RFX7: variants seen among roughly 807,000 people sequenced by gnomAD.
RFX7 encodes regulatory factor X7.
A neutral mutation model predicts 111.8 loss-of-function variants in RFX7; 26 were observed. The observed-to-expected ratio is 0.23, with a 90% CI of 0.17 to 0.32. RFX7 has a LOEUF of 0.32. Among genes scored for constraint, RFX7 ranks in the 10% least tolerant of loss-of-function variants. The pLI, the probability that RFX7 is intolerant of heterozygous loss-of-function variation, is 1.00. For synonymous variants in RFX7, 624 were observed against 624.4 expected, an observed-to-expected ratio of 1.00 and a Z score of 0.01; for missense variants, 1,573 against 1,772.9, an observed-to-expected ratio of 0.89 and a Z score of 2.02.
rs1261399052 is a variant in RFX7 at position 56,218,142 on chromosome 15, TTC to T, written c.161+24981_161+24982del. On this transcript the variant is annotated intron_variant, in intron 2 of 9. Transcript: ENST00000559447. ...TATTACAAGTAATTTAGAAATGATT[TTC>T]TTTTTTTTTTTTTTTTTTTTTTTTT... Among the ~76,000 whole-genome samples, 46 of 141,918 alleles carry T rather than the reference TTC, an allele frequency of 3.2e-4. 1 individual carries two copies. Among genetic ancestry groups the T allele is most frequent in the African/African-American group, 9.6e-4 (36 of 37,378 alleles). The allele number at this position is 141,918 out of a possible 152,430, so 93.1% of individuals were successfully genotyped here. A position where few individuals can be genotyped will look rare whatever the true frequency, so the allele number is the denominator to read the frequency against.
chr15:56,178,757 G>T (rs1304715481), intron 3 of RFX7, among the ~76,000 whole-genome samples: 1 of 152,056 alleles, frequency 6.6e-6, no homozygotes, highest in African/African-American at 2.4e-5. Flanking sequence ...CTTGAAAGCT[G>T]GCAACCCCAC....
intron 3 of RFX7, among the ~76,000 whole-genome samples, chr15:56,170,068 C>T (rs1358412800): frequency 3.9e-5 from 6 of 152,056 alleles, no homozygotes; most frequent in South Asian, 2.1e-4. Flanking sequence ...TATTTTAAAC[C>T]GCAGTATGTT....
intron 2 of RFX7, among the ~76,000 whole-genome samples, chr15:56,219,738 A>G (rs1200248853): frequency 1.3e-5 from 2 of 152,200 alleles, no homozygotes; most frequent in East Asian, 1.9e-4. Context: ...GTGTATGTTT[A>G]CCACATTTTC....
At chr15:56,186,653 T>C (rs1285680257) in intron 2 of RFX7, among the ~76,000 whole-genome samples, 1 of 152,096 alleles carries the variant, frequency 6.6e-6, no homozygotes, top group Non-Finnish European at 1.5e-5. Context: ...TGTATATATG[T>C]ATAATATACA....
Position 56,098,359 on chromosome 15 carries a change from G to T in RFX7, c.829C>A (p.Gln277Lys). ...AAPAGMKGIT[Q>K]PSAFIPTAES... ...GCTGTAGGTATAAAAGCAGAAGGCT[G>T]GGTAATTCCTTTCATTCCTGAAAAT... Residue 277 changes from glutamine to lysine, a missense_variant, in exon 9 of 10, where the codon CAG becomes AAG. Gln to Lys is a moderately conservative substitution (Grantham distance 53). Transcript: ENST00000559447. 6.3e-7 allele frequency: 1 copy of T among 1,599,104 alleles called. No individual in the cohort carries two copies. The highest frequency in any genetic ancestry group is 1.1e-5 in the South Asian group (1 of 89,192).
At chr15:56,137,980 C>T (rs1254374734) in intron 5 of RFX7, among the ~76,000 whole-genome samples, 2 of 151,310 alleles carry the variant, frequency 1.3e-5, no homozygotes, top group East Asian at 3.9e-4. Flanking sequence ...GTCTGAGAGA[C>T]AGTTTGTTAT....
chr15:56,093,851 A>G lies in RFX7; in HGVS notation c.3877T>C (p.Phe1293Leu), dbSNP rs755560539. 4 of 1,613,836 alleles carry G rather than the reference A, an allele frequency of 2.5e-6. No homozygotes were observed. The highest frequency in any genetic ancestry group is 2.5e-6 in the Non-Finnish European group (3 of 1,179,882). The change falls in exon 10 of 10, where the codon TTT (phenylalanine) becomes CTT (leucine). Residue 1293 changes from phenylalanine to leucine, a missense_variant. Phe to Leu is a conservative substitution (Grantham distance 22, BLOSUM62 0). Transcript: ENST00000559447. ...LTQILEPSTVFPSANPQNMID... is the reference protein window; with the variant it reads ...LTQILEPSTVLPSANPQNMID... ...ATATTTTGTGGGTTGGCACTAGGAA[A>G]AACAGTGGAAGGTTCCAAAATCTGA... is the stretch of plus-strand genomic sequence containing the variant.
intron 5 of RFX7, among the ~76,000 whole-genome samples, chr15:56,134,618 C>CTTTTTTTTTTTTTTTTTATTTT (rs55844559): frequency 7.9e-6 from 1 of 126,322 alleles, no homozygotes; most frequent in African/African-American, 3.0e-5. Flanking sequence ...TTTTTACTTT[C>CTTTTTTTTTTTTTTTTTATTTT]TTTTTTTTTT....
chr15:56,164,980 T>C (rs539981171), intron 3 of RFX7, among the ~76,000 whole-genome samples: 5 of 152,278 alleles, frequency 3.3e-5, no homozygotes, highest in Admixed American at 6.5e-5. Context: ...AGAAGACAAT[T>C]TTTCCATGGA....
At chr15:56,110,075 C>T (rs1360471772) in intron 5 of RFX7, among the ~76,000 whole-genome samples, 4 of 129,710 alleles carry the variant, frequency 3.1e-5, no homozygotes, top group East Asian at 2.4e-4. Context: ...CCAGCCGCCC[C>T]GTCTGGGAGG....
chr15:56,153,449 C>T (rs548444086), intron 3 of RFX7, among the ~76,000 whole-genome samples: 1 of 152,186 alleles, frequency 6.6e-6, no homozygotes, highest in South Asian at 2.1e-4. Context: ...AAATCCAATC[C>T]ACATAAACAA....
intron 2 of RFX7, among the ~76,000 whole-genome samples, chr15:56,196,572 T>G (rs1411748916): frequency 3.9e-5 from 6 of 152,046 alleles, no homozygotes; most frequent in East Asian, 1.9e-4. Context: ...TCCCCAAATT[T>G]GTATGTTGAA....
intron 2 of RFX7, 76 bp downstream of exon 2, chr15:56,243,049 G>GCCCCCCCCCCCCCCC: frequency 2.1e-6 from 1 of 476,996 alleles, no homozygotes; most frequent in Non-Finnish European, 3.8e-6. Context: ...CGCTCCCCCC[G>GCCCCCCCCCCCCCCC]CCCGCCGCCC....
chr15:56,123,784 C>T (rs1306218186), intron 5 of RFX7, among the ~76,000 whole-genome samples: 1 of 152,178 alleles, frequency 6.6e-6, no homozygotes. Flanking sequence ...TAGGGCTGGT[C>T]TGAATGCTCT....
At chr15:56,175,368 G>A (rs150438711) in intron 3 of RFX7, among the ~76,000 whole-genome samples, 2 of 152,100 alleles carry the variant, frequency 1.3e-5, no homozygotes, top group Non-Finnish European at 2.9e-5. Flanking sequence ...CTATAAATTT[G>A]ATGTAATCCC....
At chr15:56,132,190 T>C (rs1386252180) in intron 5 of RFX7, among the ~76,000 whole-genome samples, 4 of 152,094 alleles carry the variant, frequency 2.6e-5, no homozygotes, top group African/African-American at 9.6e-5. Flanking sequence ...AAAATCCCCT[T>C]AGAGTTTCCT....
At chr15:56,114,852 C>A (rs544880997) in intron 5 of RFX7, among the ~76,000 whole-genome samples, 6 of 151,814 alleles carry the variant, frequency 4.0e-5, no homozygotes, top group African/African-American at 1.2e-4. Context: ...TTATAAATTG[C>A]TAATAAAAAA....
chr15:56,141,667 A>C (rs1595960320), intron 5 of RFX7, among the ~76,000 whole-genome samples: 1 of 131,408 alleles, frequency 7.6e-6, no homozygotes, highest in Admixed American at 7.7e-5. Context: ...ATATATATAT[A>C]TATATATATG....
intron 2 of RFX7, among the ~76,000 whole-genome samples, chr15:56,228,657 A>G (rs1419901530): frequency 1.3e-5 from 2 of 152,202 alleles, no homozygotes; most frequent in Non-Finnish European, 2.9e-5. Flanking sequence ...TACTTACAAT[A>G]CTTTAAACTT....
Sources: allele counts gnomAD v4.1 joint callset (sites outside exome capture counted in the v4.1 genomes callset), GRCh38; gene constraint gnomAD v4.1.1; transcripts MANE v1.5; gene names NCBI Gene and HGNC (gene_info 2026-07-23, HGNC 2026-07-21).